The following NELL1 variants were observed in gnomAD, a reference collection of about 807,000 sequenced individuals.
The protein encoded by NELL1 is protein kinase C-binding protein NELL1.
A neutral mutation model predicts 107.4 loss-of-function variants in NELL1; 76 were observed. The observed-to-expected ratio is 0.71, with a 90% confidence interval of 0.59 to 0.86. The LOEUF is 0.86. Among genes scored for constraint, NELL1 ranks in the 40% least tolerant of loss-of-function variants. NELL1 has a pLI of 0.00. For synonymous variants in NELL1, 353 were observed against 341.2 expected, an observed-to-expected ratio of 1.03 and a Z score of -0.38; for missense variants, 1,024 against 1,005.5, an observed-to-expected ratio of 1.02 and a Z score of -0.25.
intron 4 of NELL1, 110 bp downstream of exon 4, chr11:20,847,863 G>C: frequency 8.6e-7 from 1 of 1,161,220 alleles, no homozygotes; most frequent in East Asian, 2.6e-5. Context: ...AACACCAAGG[G>C]ACCCTAATTG....
At chr11:21,419,090 G>A (rs1375013247) in intron 15 of NELL1, among the ~76,000 whole-genome samples, 1 of 152,082 alleles carries the variant, frequency 6.6e-6, no homozygotes, top group Non-Finnish European at 1.5e-5. Flanking sequence ...GTCTGGATGA[G>A]TGAAGAAGAA....
intron 14 of NELL1, among the ~76,000 whole-genome samples, chr11:21,255,961 CT>C (rs1221488256): frequency 6.6e-6 from 1 of 151,924 alleles, no homozygotes; most frequent in Non-Finnish European, 1.5e-5. Flanking sequence ...ATGTTTCTTC[CT>C]TTCTCCTCCC....
At chr11:21,424,194 G>A (rs556968611) in intron 15 of NELL1, among the ~76,000 whole-genome samples, 1 of 152,162 alleles carries the variant, frequency 6.6e-6, no homozygotes, top group East Asian at 1.9e-4. Context: ...TTTTCAGAAA[G>A]ATCAACAAAA....
At chr11:21,525,253 C>T (rs80187891) in intron 15 of NELL1, among the ~76,000 whole-genome samples, 7,393 of 152,208 alleles carry the variant, frequency 0.049, 395 homozygotes, top group African/African-American at 0.13. Flanking sequence ...GTCAATACTA[C>T]TGACTTCACT....
rs772314128 is a variant in NELL1, at chr11:21,459,697, CTG to C, written c.1646-74674_1646-74673del. On this transcript the variant is annotated intron_variant, in intron 15 of 19. Coordinates refer to ENST00000357134, the MANE Select transcript of NELL1 (RefSeq NM_006157.5). ...GACAGAAACCAGAAGCAGAGGAAGA[CTG>C]TGAAGCATGTTTCAAATTGCTTAGT... Among the ~76,000 whole-genome samples, 26 of 152,114 alleles carry C rather than the reference CTG, an allele frequency of 1.7e-4. No individual in the cohort carries two copies. The East Asian group carries it at 4.1e-3, about 24-fold the overall frequency.
intron 7 of NELL1, among the ~76,000 whole-genome samples, chr11:20,924,324 T>C (rs576064296): frequency 6.6e-6 from 1 of 152,328 alleles, no homozygotes; most frequent in African/African-American, 2.4e-5. Context: ...AACATCCCTT[T>C]GCCTTTGTGT....
At chr11:20,847,382 G>A (rs1848718658) in intron 3 of NELL1, among the ~76,000 whole-genome samples, 1 of 152,112 alleles carries the variant, frequency 6.6e-6, no homozygotes. Context: ...TGTTTCAGAG[G>A]CTCAAGATGT....
At chr11:20,894,445 C>T (rs1849683052) in intron 5 of NELL1, among the ~76,000 whole-genome samples, 1 of 152,026 alleles carries the variant, frequency 6.6e-6, no homozygotes, top group Non-Finnish European at 1.5e-5. Context: ...AAAGTCTATC[C>T]AATAAAAACA....
intron 5 of NELL1, among the ~76,000 whole-genome samples, chr11:20,893,868 A>AAG (rs1349049736): frequency 1.5e-4 from 22 of 151,502 alleles, no homozygotes; most frequent in South Asian, 4.2e-4. Flanking sequence ...AAAAAAAAAA[A>AAG]AAAGAAAAAT....
At chr11:21,092,298 C>A (rs1051296026) in intron 12 of NELL1, among the ~76,000 whole-genome samples, 1 of 151,872 alleles carries the variant, frequency 6.6e-6, no homozygotes, top group Non-Finnish European at 1.5e-5. Flanking sequence ...AGGGTCAGCA[C>A]CCTGTAGCTG....
chr11:21,104,840 A>G (rs1279980328), intron 12 of NELL1, among the ~76,000 whole-genome samples: 3 of 152,160 alleles, frequency 2.0e-5, no homozygotes, highest in African/African-American at 7.2e-5. Context: ...CTGGAGGCTG[A>G]TAGTCTGGGC....
intron 1 of NELL1, among the ~76,000 whole-genome samples, chr11:20,671,639 C>G (rs1356251897): frequency 1.3e-5 from 2 of 152,118 alleles, no homozygotes; most frequent in African/African-American, 4.8e-5. Flanking sequence ...TTTACTCATT[C>G]AACAAACGAT....
At chr11:21,537,753 G>T (rs1225803414) in intron 16 of NELL1, among the ~76,000 whole-genome samples, 8 of 152,048 alleles carry the variant, frequency 5.3e-5, no homozygotes, top group African/African-American at 1.9e-4. Context: ...ATGATTGAAG[G>T]CATGGATGTT....
At chr11:20,999,631 A>G (rs945788373) in intron 12 of NELL1, among the ~76,000 whole-genome samples, 11 of 151,630 alleles carry the variant, frequency 7.3e-5, no homozygotes, top group Non-Finnish European at 1.6e-4. Context: ...CATTGAATTC[A>G]CCCTCAAAAT....
chr11:21,193,932 C>A (rs1023361454), intron 13 of NELL1, among the ~76,000 whole-genome samples: 1 of 151,816 alleles, frequency 6.6e-6, no homozygotes, highest in Non-Finnish European at 1.5e-5. Context: ...ATGCTAGTTG[C>A]AATGGGTTTC....
At chr11:21,503,089 C>A (rs1855186803) in intron 15 of NELL1, among the ~76,000 whole-genome samples, 1 of 152,128 alleles carries the variant, frequency 6.6e-6, no homozygotes, top group Non-Finnish European at 1.5e-5. Flanking sequence ...CCATGTTGGT[C>A]AGGCTGGTCT....
chr11:21,033,284 A>C lies in NELL1; in HGVS notation c.1300+72724A>C, dbSNP rs774150461. On this transcript the variant is annotated intron_variant, in intron 12 of 19. Coordinates refer to ENST00000357134, the MANE Select transcript of NELL1 (RefSeq NM_006157.5). ...TCTGGAAAATTTTCAGCTATTCTCC[A>C]AGTATTTTTTTAAATTTAACTTCTA... Among the ~76,000 whole-genome samples, 17 of 152,118 alleles carry C rather than the reference A, an allele frequency of 1.1e-4. 1 individual carries two copies. Among genetic ancestry groups the C allele is most frequent in the Non-Finnish European group, 1.9e-4 (13 of 68,018 alleles).
At chr11:21,333,918 A>G (rs940701330) in intron 14 of NELL1, among the ~76,000 whole-genome samples, 5 of 152,016 alleles carry the variant, frequency 3.3e-5, no homozygotes, top group Admixed American at 1.3e-4. Context: ...CTTTTTCTCC[A>G]CTGCTGAGTC....
intron 13 of NELL1, among the ~76,000 whole-genome samples, chr11:21,157,034 G>A (rs546849340): frequency 7.9e-5 from 12 of 151,944 alleles, no homozygotes; most frequent in Non-Finnish European, 1.5e-4. Flanking sequence ...CCCAGGAGGC[G>A]GAGGCTGCAG....
Sources: allele counts gnomAD v4.1 joint callset (sites outside exome capture counted in the v4.1 genomes callset), GRCh38; gene constraint gnomAD v4.1.1; transcripts MANE v1.5; gene names NCBI Gene and HGNC (gene_info 2026-07-23, HGNC 2026-07-21).